Variants in ZNF334 observed in about 807,000 individuals in gnomAD.
The protein encoded by ZNF334 is zinc finger protein 334.
Under a neutral mutation model 12.4 loss-of-function variants are expected in ZNF334, and 14 were observed. The ratio of observed to expected loss-of-function variants is 1.13; its 90% CI spans 0.74 to 1.76. The LOEUF (loss-of-function observed/expected upper bound fraction) is 1.76. Ranked by LOEUF, ZNF334 falls within the 40% of genes most tolerant of loss-of-function variation. The probability of loss-of-function intolerance (pLI) is 0.00; values close to 1 mark genes in which losing one functional copy is unlikely to be tolerated. For missense variants in ZNF334, 797 were observed against 804.5 expected (o/e 0.99, Z 0.11); for synonymous variants, 273 against 269.6 (o/e 1.01, Z -0.12).
intron 4 of ZNF334, among the ~76,000 whole-genome samples, chr20:46,503,805 AC>A (rs2061335304): frequency 6.6e-6 from 1 of 152,106 alleles, no homozygotes; most frequent in South Asian, 2.1e-4. Context: ...GGAAAGGGAA[AC>A]CGTGTTATTT....
At chr20:46,488,436 TATATATAA>T in the ZNF334 span, among the ~76,000 whole-genome samples, 4 of 137,562 alleles carry the variant, frequency 2.9e-5, no homozygotes, top group African/African-American at 1.1e-4. Flanking sequence ...TATATATATA[TATATATAA>T]ATACCATAAT....
At chr20:46,504,764 G>A in intron 2 of ZNF334, 24 bp from the exon 3 acceptor site, 1 of 1,578,406 alleles carries the variant, frequency 6.3e-7, no homozygotes, top group Non-Finnish European at 8.6e-7. Context: ...TTTAATCTTG[G>A]GTGACCAAAA....
Position 46,504,306 on chromosome 20 carries a change from C to A in ZNF334, c.149G>T (p.Gly50Val). Residue 50 changes from glycine to valine, a missense_variant and splice_region_variant, in exon 4 of 5, where the codon GGG (glycine) becomes GTG (valine). Coordinates refer to ENST00000692313, the MANE Select transcript of ZNF334 (RefSeq NM_001353824.2). ...LENYSNLVSV[G>V]YHVSKPDVIF... is the part of the protein sequence containing the mutation. ...CACATCTGGTTTGCTAACATGATAC[C>A]CTGTTAATGGGAAATTACAGAACTT... The A allele has an allele frequency of 1.2e-6, 2 of 1,612,696 alleles. No homozygotes were observed. Among genetic ancestry groups the A allele is most frequent in the Non-Finnish European group, 1.7e-6 (2 of 1,179,080 alleles).
downstream of ZNF334, among the ~76,000 whole-genome samples, chr20:46,499,284 A>G (rs550032516): frequency 2.0e-5 from 3 of 151,762 alleles, no homozygotes; most frequent in Admixed American, 6.6e-5. Flanking sequence ...CCTTCAGAAG[A>G]GAGTATAGCC....
the ZNF334 span, among the ~76,000 whole-genome samples, chr20:46,483,104 C>G: frequency 6.6e-6 from 1 of 152,190 alleles, no homozygotes; most frequent in Admixed American, 6.5e-5. Context: ...GGTTACATCC[C>G]TTAAAAACAC....
intron 2 of ZNF334, chr20:46,506,345 GC>G: frequency 1.6e-6 from 1 of 640,400 alleles, no homozygotes; most frequent in East Asian, 2.9e-5. Context: ...AACACACATG[GC>G]CAGGTGTGGT....
chr20:46,490,533 A>G, the ZNF334 span, among the ~76,000 whole-genome samples: 1 of 152,214 alleles, frequency 6.6e-6, no homozygotes, highest in African/African-American at 2.4e-5. Flanking sequence ...TAGGTTCTTT[A>G]AGCTTTTCTG....
At chr20:46,476,679 T>C in the ZNF334 span, among the ~76,000 whole-genome samples, 2 of 152,218 alleles carry the variant, frequency 1.3e-5, no homozygotes, top group Non-Finnish European at 2.9e-5. Context: ...TGTATTATGC[T>C]GCTGACAAAA....
At position 46,504,362 on chromosome 20, in the gene ZNF334, G is replaced by A. The variant is rs778968616; in HGVS notation, c.149-56C>T. On this transcript the variant is annotated intron_variant, in intron 3 of 4. Transcript: ENST00000692313. ...AAGATCTTTGGACATCAGAGACTCT[G>A]AAGAATGAAGAAAGTACAGCTTCAG... 4.1e-6 allele frequency: 6 copies of A among 1,463,154 alleles called. No individual in the cohort carries two copies. The South Asian group carries it at 4.7e-5, about 11-fold the overall frequency. The allele number at this position is 1,463,154 out of a possible 1,614,324, so 90.6% of individuals were successfully genotyped here.
At chr20:46,464,343 T>C in the ZNF334 span, 2 of 530,432 alleles carry the variant, frequency 3.8e-6, no homozygotes, top group Non-Finnish European at 7.5e-6. Context: ...TAGGACACTA[T>C]GATCTTGCTC....
At position 46,501,935 on chromosome 20, in the gene ZNF334, T is replaced by A; in HGVS notation, c.1404A>T (p.Lys468Asn). 6.2e-7 allele frequency: 1 copy of A among 1,614,056 alleles called. No individual in the cohort carries two copies. Among genetic ancestry groups the A allele is most frequent in the East Asian group, 2.2e-5 (1 of 44,884 alleles). ...KKSYECNECG[K>N]FFCHKSTLTI... is the part of the protein sequence containing the mutation. ...TGAGTGTTGACTTATGGCAGAAAAA[T>A]TTCCCACATTCATTACATTCATAAG... The change falls in exon 5 of 5, where the codon AAA (lysine) becomes AAT (asparagine). Residue 468 changes from lysine to asparagine, a missense_variant. Transcript: ENST00000692313.
In ZNF334 at chr20:46,502,456, A is replaced by C; in HGVS notation, c.883T>G (p.Cys295Gly). Reference protein sequence around the residue: ...RIHTGERPYECSECRKTFIDK... With the variant: ...RIHTGERPYEGSECRKTFIDK... ...ATGAAGGTTTTCCTGCATTCACTGC[A>C]TTCATAGGGTCTCTCTCCAGTATGA... Residue 295 changes from cysteine (C) to glycine (G), a missense_variant, in exon 5 of 5, where the codon TGC becomes GGC. Cys to Gly is a radical substitution (Grantham distance 159). Transcript: ENST00000692313. 1 of 1,614,112 alleles carries C rather than the reference A, an allele frequency of 6.2e-7. No individual in the cohort carries two copies. Among genetic ancestry groups the C allele is most frequent in the African/African-American group, 1.3e-5 (1 of 75,062 alleles).
downstream of ZNF334, among the ~76,000 whole-genome samples, chr20:46,498,930 T>G (rs1039912040): frequency 6.6e-6 from 1 of 151,928 alleles, no homozygotes; most frequent in Middle Eastern, 3.4e-3. Flanking sequence ...ATCCCAGCAC[T>G]TTGGGAGGCC....
chr20:46,503,174 G>C (rs2061312640), intron 4 of ZNF334, 77 bp from the exon 5 acceptor site: 1 of 1,468,596 alleles, frequency 6.8e-7, no homozygotes, highest in South Asian at 1.5e-5. Flanking sequence ...CCTTAGAAAT[G>C]CATTGTTTTA....
At chr20:46,466,946 C>T in the ZNF334 span, among the ~76,000 whole-genome samples, 2 of 152,036 alleles carry the variant, frequency 1.3e-5, no homozygotes, top group Admixed American at 1.3e-4. Flanking sequence ...GAGGCCACTC[C>T]ACACCAAGAT....
chr20:46,467,030 T>C, the ZNF334 span, among the ~76,000 whole-genome samples: 1 of 152,164 alleles, frequency 6.6e-6, no homozygotes, highest in Non-Finnish European at 1.5e-5. Context: ...TTGTCCAAAA[T>C]ATGTGTGTAG....
downstream of ZNF334, among the ~76,000 whole-genome samples, chr20:46,494,641 T>A (rs1358347119): frequency 3.9e-5 from 6 of 152,222 alleles, no homozygotes; most frequent in African/African-American, 9.6e-5. Flanking sequence ...ATGGGACCTG[T>A]CATCCCTAAT....
downstream of ZNF334, among the ~76,000 whole-genome samples, chr20:46,499,031 G>A (rs930232428): frequency 1.2e-4 from 18 of 151,578 alleles, no homozygotes; most frequent in South Asian, 6.3e-4. Flanking sequence ...AAAATTAGCC[G>A]GGCGTAGTGG....
At chr20:46,476,379 T>C in the ZNF334 span, 1 of 152,182 alleles carries the variant, frequency 6.6e-6, no homozygotes, top group African/African-American at 2.4e-5. Context: ...TAAAACTGTA[T>C]AGAATTAACA....
Sources: gnomAD v4.1 joint callset for allele counts (sites outside exome capture counted in the v4.1 genomes callset) on GRCh38, gnomAD v4.1.1 for gene constraint, MANE v1.5 for transcripts, NCBI Gene and HGNC (gene_info 2026-07-23, HGNC 2026-07-21) for gene names.